ESPNL: variants seen among roughly 807,000 people sequenced by gnomAD.
ESPNL encodes espin like.
A neutral mutation model predicts 46.8 loss-of-function variants in ESPNL; 49 were observed. The ratio of observed to expected loss-of-function variants is 1.05; its 90% CI spans 0.83 to 1.33. The LOEUF is 1.33. ESPNL is among the 40% of genes most tolerant of loss of function. The pLI is 0.00. For synonymous variants in ESPNL, 664 were observed against 662.1 expected, an observed-to-expected ratio of 1.00 and a Z score of -0.04; for missense variants, 1,540 against 1,436.6, an observed-to-expected ratio of 1.07 and a Z score of -1.16.
chr2:238,128,959 GGTGGAA>G (rs1692211499), intron 8 of ESPNL, 55 bp downstream of exon 8: 1 of 1,500,502 alleles, frequency 6.7e-7, no homozygotes, highest in Non-Finnish European at 8.9e-7. Flanking sequence ...TTTCCAGGTA[GGTGGAA>G]GTGGAAGTCA....
At chr2:238,108,601 G>A (rs1691653610) in intron 4 of ESPNL, among the ~76,000 whole-genome samples, 1 of 152,200 alleles carries the variant, frequency 6.6e-6, no homozygotes, top group East Asian at 1.9e-4. Context: ...GCAGTGTCGG[G>A]TCTGTTCACC....
At chr2:238,120,588 C>T (rs1027771649) in intron 5 of ESPNL, among the ~76,000 whole-genome samples, 1 of 152,278 alleles carries the variant, frequency 6.6e-6, no homozygotes, top group Non-Finnish European at 1.5e-5. Context: ...TGGGCGCCCC[C>T]TGCCCGGCGC....
intron 2 of ESPNL, among the ~76,000 whole-genome samples, chr2:238,103,989 C>T (rs913082236): frequency 2.6e-5 from 4 of 152,190 alleles, no homozygotes; most frequent in African/African-American, 9.7e-5. Context: ...CCAGCTGAGG[C>T]CTGTGACTGG....
chr2:238,116,788 G>A (rs1228419240), intron 4 of ESPNL, 115 bp from the exon 5 acceptor site: 3 of 1,337,528 alleles, frequency 2.2e-6, no homozygotes, highest in Non-Finnish European at 3.1e-6. Flanking sequence ...CCCCTGCTGG[G>A]AAGGGCATCA....
intron 3 of ESPNL, among the ~76,000 whole-genome samples, chr2:238,106,092 C>G (rs751435497): frequency 6.6e-6 from 1 of 152,220 alleles, no homozygotes; most frequent in African/African-American, 2.4e-5. Context: ...ACCAGGCACA[C>G]GGCGTGTCTG....
intron 5 of ESPNL, among the ~76,000 whole-genome samples, chr2:238,119,565 T>TGGATGGAGGAGGG: frequency 2.3e-5 from 2 of 85,912 alleles, no homozygotes; most frequent in East Asian, 4.9e-4. Flanking sequence ...GAAGGAGGAA[T>TGGATGGAGGAGGG]GGATGGAGGA....
intron 2 of ESPNL, among the ~76,000 whole-genome samples, chr2:238,102,504 C>T (rs944945295): frequency 6.6e-6 from 1 of 152,186 alleles, no homozygotes; most frequent in Non-Finnish European, 1.5e-5. Flanking sequence ...TGAGGGCACC[C>T]TCCCATCACC....
chr2:238,128,208 G>A (rs955702332), intron 7 of ESPNL, among the ~76,000 whole-genome samples: 4 of 152,198 alleles, frequency 2.6e-5, no homozygotes, highest in South Asian at 2.1e-4. Context: ...TTCCCTGCGT[G>A]GTACTGCAGA....
At chr2:238,119,786 C>A (rs548182226) in intron 5 of ESPNL, among the ~76,000 whole-genome samples, 182 of 152,206 alleles carry the variant, frequency 1.2e-3, no homozygotes, top group African/African-American at 4.1e-3. Context: ...CCCCCCAAAC[C>A]CTTTGTCTCC....
chr2:238,127,654 C>G lies in ESPNL; in HGVS notation c.1135C>G (p.Pro379Ala). The G allele has an allele frequency of 6.2e-7, 1 of 1,611,842 alleles. No homozygotes were observed. The change falls in exon 7 of 9, where the codon CCT (proline) becomes GCT (alanine). Residue 379 changes from proline to alanine, a missense_variant. Physicochemically the swap from Pro to Ala is conservative, Grantham distance 27. Transcript: ENST00000343063. ...CCTCAGCCCGGCCTGGCCTGGCCATCCTGACCAGCCTCTTCCCAGGGAGCA... is the reference window on the plus strand; with the variant it reads ...CCTCAGCCCGGCCTGGCCTGGCCATGCTGACCAGCCTCTTCCCAGGGAGCA... ...MSLSPAWPGH[P>A]DQPLPREQMT...
Position 238,128,967 on chromosome 2 carries a change from T to G in ESPNL, c.1413+63T>G. Reference sequence around the variant, plus strand: ...GGGGCCTTTTCCAGGTAGGTGGAAGTGGAAGTCAGGGCGCCCGAAGCCCAG... The same window carrying G: ...GGGGCCTTTTCCAGGTAGGTGGAAGGGGAAGTCAGGGCGCCCGAAGCCCAG... On this transcript the variant is annotated intron_variant, in intron 8 of 8. Transcript: ENST00000343063. The G allele has an allele frequency of 2.0e-6, 3 of 1,496,082 alleles. No homozygotes were observed. In the South Asian group the frequency reaches 3.7e-5, roughly 19 times the overall value. 92.7% of individuals were successfully genotyped at this position (1,496,082 alleles called of 1,614,324 possible).
intron 5 of ESPNL, among the ~76,000 whole-genome samples, chr2:238,117,311 CAG>C (rs139056358): frequency 8.4e-4 from 128 of 152,276 alleles, no homozygotes; most frequent in Middle Eastern, 6.8e-3. Flanking sequence ...GGGGCTGTAA[CAG>C]GGGTCAGGAC....
intron 1 of ESPNL, 119 bp from the exon 2 acceptor site, chr2:238,101,822 C>G: frequency 1.4e-6 from 1 of 699,990 alleles, no homozygotes; most frequent in Middle Eastern, 4.0e-4. Flanking sequence ...GAGGAAGGAG[C>G]TGGAAGCCCC....
At position 238,117,047 on chromosome 2, in the gene ESPNL, G is replaced by T; in HGVS notation, c.987+13G>T. On this transcript the variant is annotated intron_variant, in intron 5 of 8. Transcript: ENST00000343063. ...GGTGGCCCAGCCGGTAAGGCTCAGG[G>T]TCCCCAGCTGCCCTGGAGGCATGGG... 1.2e-6 allele frequency: 2 copies of T among 1,602,650 alleles called. No individual in the cohort carries two copies. The highest frequency in any genetic ancestry group is 1.7e-6 in the Non-Finnish European group (2 of 1,175,236).
At chr2:238,126,921 C>CTG (rs1553574034) in intron 6 of ESPNL, among the ~76,000 whole-genome samples, 26 of 146,750 alleles carry the variant, frequency 1.8e-4, no homozygotes, top group Middle Eastern at 3.7e-3. Flanking sequence ...ATGATCGTGT[C>CTG]TGTGTGTCTG....
chr2:238,104,969 T>C, intron 3 of ESPNL, 127 bp downstream of exon 3: 1 of 838,252 alleles, frequency 1.2e-6, no homozygotes, highest in Non-Finnish European at 1.7e-6. Flanking sequence ...GGGCATCCGA[T>C]GAGCTGGTCC....
At position 238,101,984 on chromosome 2, in the gene ESPNL, GT is replaced by G; in HGVS notation, c.342del (p.Phe114LeufsTer19). 1 of 1,610,484 alleles carries G rather than the reference GT, an allele frequency of 6.2e-7. No homozygotes were observed. On this transcript the variant is annotated frameshift_variant, in exon 2 of 9. Transcript: ENST00000343063. LOFTEE classifies it high-confidence loss of function. ...SGVSPLHLAA[R>X]FGHPVLVEWL... The stretch of plus-strand genomic sequence containing the variant: ...GTCTCCCCGCTGCACCTGGCCGCCC[GT>G]TTTGGACACCCAGTGCTGGTGGAGT...
At position 238,130,962 on chromosome 2, in the gene ESPNL, A is replaced by G; in HGVS notation, c.2248A>G (p.Arg750Gly). Residue 750 changes from arginine to glycine, a missense_variant, in exon 9 of 9, where the codon AGG becomes GGG. Arg to Gly is a moderately radical substitution (Grantham distance 125). Coordinates refer to ENST00000343063, the MANE Select transcript of ESPNL (RefSeq NM_194312.4). ...RIIMLFLSHW[R>G]RSAYTPALKT... ...CATCATGCTCTTCCTCAGCCACTGG[A>G]GGAGATCGGCCTACACGCCGGCCCT... is the stretch of plus-strand genomic sequence containing the variant. The G allele has an allele frequency of 6.5e-7, 1 of 1,549,572 alleles. No individual in the cohort carries two copies.
intron 5 of ESPNL, among the ~76,000 whole-genome samples, chr2:238,120,010 G>A (rs1462229148): frequency 1.3e-5 from 2 of 152,186 alleles, no homozygotes; most frequent in Non-Finnish European, 2.9e-5. Flanking sequence ...GGGGAGCACG[G>A]CTCTGCCCTG....
Sources: gnomAD v4.1 joint callset for allele counts (sites outside exome capture counted in the v4.1 genomes callset) on GRCh38, gnomAD v4.1.1 for gene constraint, MANE v1.5 for transcripts, NCBI Gene and HGNC (gene_info 2026-07-23, HGNC 2026-07-21) for gene names.